MYOM3: variants seen among roughly 807,000 people sequenced by gnomAD.
MYOM3 encodes the protein myomesin 3, also known as myomesin-3.
MYOM3 carries 155 observed loss-of-function variants against 191.7 expected under a neutral mutation model. That is an observed-to-expected ratio of 0.81 (90% CI 0.71 to 0.92). MYOM3 has a LOEUF of 0.92. MYOM3 is among the 40% of genes least tolerant of loss of function. The pLI is 0.00. For missense variants in MYOM3, 1,889 were observed against 1,890.6 expected (o/e 1.00, Z 0.02); for synonymous variants, 757 against 762.9 (o/e 0.99, Z 0.13).
chr1:24,058,903 T>A (rs974166704), intron 36 of MYOM3, 21 bp downstream of exon 36: 2 of 1,589,524 alleles, frequency 1.3e-6, no homozygotes, highest in Non-Finnish European at 1.7e-6. Flanking sequence ...CTGCTGGCTG[T>A]GGGCTGGGAA....
intron 5 of MYOM3, among the ~76,000 whole-genome samples, chr1:24,103,336 A>G (rs1332639072): frequency 1.3e-5 from 2 of 152,222 alleles, no homozygotes. Context: ...TACTTGGCAT[A>G]GTTTTTGGAA....
intron 10 of MYOM3, 137 bp downstream of exon 10, chr1:24,092,810 C>T (rs1643856062): frequency 2.2e-6 from 2 of 917,298 alleles, no homozygotes; most frequent in South Asian, 4.1e-5. Flanking sequence ...AGACCCCAAC[C>T]CAAAGCCCTG....
intron 36 of MYOM3, among the ~76,000 whole-genome samples, chr1:24,058,653 A>G (rs1406712469): frequency 6.6e-6 from 1 of 152,198 alleles, no homozygotes; most frequent in Non-Finnish European, 1.5e-5. Context: ...CTCTCAGTAG[A>G]CATTTCTTTT....
chr1:24,094,983 C>G lies in MYOM3; in HGVS notation c.798G>C (p.Thr266=), dbSNP rs558297829. 6.2e-7 allele frequency: 1 copy of G among 1,613,250 alleles called. No homozygotes were observed. The highest frequency in any genetic ancestry group is 2.2e-5 in the East Asian group (1 of 44,880). ...GFDSEIFKRS[T]FGPSVEFTSV... is the part of the protein sequence containing the mutation. ...AGGTGAATTCCACGCTGGGGCCAAA[C>G]GTCGATCCTGGCGTGGGAATGAAAT... The change falls in exon 9 of 37, where the codon ACG becomes ACC. Residue 266 remains threonine (T), a synonymous_variant. Coordinates refer to ENST00000374434, the MANE Select transcript of MYOM3 (RefSeq NM_152372.4).
At chr1:24,059,689 T>C (rs940415818) in intron 35 of MYOM3, among the ~76,000 whole-genome samples, 1 of 152,198 alleles carries the variant, frequency 6.6e-6, no homozygotes, top group African/African-American at 2.4e-5. Context: ...TTTGCTTTTG[T>C]CTGAAAAAAC....
At chr1:24,078,548 G>T (rs1480091407) in intron 20 of MYOM3, among the ~76,000 whole-genome samples, 1 of 152,180 alleles carries the variant, frequency 6.6e-6, no homozygotes, top group Non-Finnish European at 1.5e-5. Context: ...TCCTCTGGGT[G>T]CTCCCTAATG....
Position 24,090,111 on chromosome 1 carries a change from G to C in MYOM3, c.1440C>G (p.Pro480=). ...TGGTGATCTTGTTTCCCAGATCAAA[G>C]GGGATCTCTAGGATGAGAAGGGAGC... ...HDAARRKTEI[P]FDLGNKITIS... The change falls in exon 13 of 37, where the codon CCC becomes CCG. Residue 480 remains proline (P), a synonymous_variant. Transcript: ENST00000374434. The C allele has an allele frequency of 6.2e-7, 1 of 1,614,014 alleles. No homozygotes were observed. Among genetic ancestry groups the C allele is most frequent in the Non-Finnish European group, 8.5e-7 (1 of 1,179,892 alleles).
At chr1:24,058,238 A>G (rs1643327502) in intron 36 of MYOM3, among the ~76,000 whole-genome samples, 1 of 152,312 alleles carries the variant, frequency 6.6e-6, no homozygotes, top group East Asian at 1.9e-4. Flanking sequence ...CTACGATTTT[A>G]CAATGCAAGT....
rs954171926 is a variant in MYOM3, at chr1:24,076,201, G to A, written c.2659C>T (p.Pro887Ser). Reference protein sequence around the residue: ...QAMNSAGLGQPSMPTDPVLLE... With the variant: ...QAMNSAGLGQSSMPTDPVLLE... Reference sequence around the variant, plus strand: ...AGCACGGGATCAGTGGGCATGGACGGTTGCCCCAGACCAGCTGAATTCATG... The same window carrying A: ...AGCACGGGATCAGTGGGCATGGACGATTGCCCCAGACCAGCTGAATTCATG... Residue 887 changes from proline (P) to serine (S), a missense_variant, in exon 21 of 37, where the codon CCG (proline) becomes TCG (serine). Pro to Ser is a moderately conservative substitution (Grantham distance 74). Coordinates refer to ENST00000374434, the MANE Select transcript of MYOM3 (RefSeq NM_152372.4). 2.5e-6 allele frequency: 4 copies of A among 1,614,196 alleles called. No homozygotes were observed. The highest frequency in any genetic ancestry group is 3.4e-6 in the Non-Finnish European group (4 of 1,180,024).
chr1:24,062,008 T>C lies in MYOM3; in HGVS notation c.3872A>G (p.Tyr1291Cys). ...LDPKDSDKGK[Y>C]TLEIAAGKEV... is the part of the protein sequence containing the mutation. The stretch of plus-strand genomic sequence containing the variant: ...CTTCCCTGCAGCTATTTCCAGAGTG[T>C]ATTTGCCCTTGTCTGAGTCTTTGGG... Residue 1291 changes from tyrosine (Y) to cysteine (C), a missense_variant, in exon 33 of 37, where the codon TAC (tyrosine) becomes TGC (cysteine). By Grantham distance (194) the Tyr-to-Cys change is radical. Transcript: ENST00000374434. 6.2e-7 allele frequency: 1 copy of C among 1,614,196 alleles called. No homozygotes were observed. Among genetic ancestry groups the C allele is most frequent in the Non-Finnish European group, 8.5e-7 (1 of 1,180,042 alleles).
chr1:24,058,884 A>G (rs1156666890), intron 36 of MYOM3, 40 bp downstream of exon 36: 1 of 1,499,874 alleles, frequency 6.7e-7, no homozygotes, highest in East Asian at 2.3e-5. Context: ...GAAGGAACAC[A>G]GAGGGGGACT....
At chr1:24,100,079 G>A (rs1380827729) in intron 5 of MYOM3, among the ~76,000 whole-genome samples, 1 of 152,058 alleles carries the variant, frequency 6.6e-6, no homozygotes, top group African/African-American at 2.4e-5. Flanking sequence ...ATGTTGGCTA[G>A]GCTGGTCTCG....
intron 36 of MYOM3, among the ~76,000 whole-genome samples, chr1:24,058,223 T>C (rs1643327154): frequency 2.0e-5 from 3 of 152,240 alleles, no homozygotes; most frequent in African/African-American, 7.2e-5. Context: ...GTAATATATA[T>C]GTCACTACGA....
intron 16 of MYOM3, 53 bp from the exon 17 acceptor site, chr1:24,082,767 C>A: frequency 6.6e-7 from 1 of 1,510,476 alleles, no homozygotes; most frequent in South Asian, 1.3e-5. Flanking sequence ...TGGAGACATT[C>A]CCAAACTTGC....
chr1:24,085,582 G>A (rs1391187556), intron 15 of MYOM3, among the ~76,000 whole-genome samples: 1 of 151,986 alleles, frequency 6.6e-6, no homozygotes, highest in South Asian at 2.1e-4. Flanking sequence ...ATTCCTAAGG[G>A]TCCTGCCTAT....
chr1:24,061,104 A>G, intron 34 of MYOM3, 22 bp from the exon 35 acceptor site: 1 of 1,614,148 alleles, frequency 6.2e-7, no homozygotes, highest in Non-Finnish European at 8.5e-7. Flanking sequence ...AAATGGGAAC[A>G]AGGTGTGACA....
At chr1:24,092,894 G>C in intron 10 of MYOM3, 53 bp downstream of exon 10, 1 of 1,430,808 alleles carries the variant, frequency 7.0e-7, no homozygotes, top group Non-Finnish European at 9.2e-7. Flanking sequence ...ACAAGGGGCA[G>C]AGCCCTGGTC....
At position 24,074,014 on chromosome 1, in the gene MYOM3, A is replaced by G. The variant is rs1327435932; in HGVS notation, c.2968+146T>C. 16 of 620,808 alleles carry G rather than the reference A, an allele frequency of 2.6e-5. No individual in the cohort carries two copies. The South Asian group carries it at 2.8e-4, about 11-fold the overall frequency. The allele number at this position is 620,808 out of a possible 1,614,324, so 38.5% of individuals were successfully genotyped here. A position where few individuals can be genotyped will look rare whatever the true frequency, so the allele number is the denominator to read the frequency against. On this transcript the variant is annotated intron_variant, in intron 23 of 36. Transcript: ENST00000374434. ...GCAGGTGCTCAACAGATATCTATTG[A>G]TGGAAAGAATGGGTGGGTGAGGGCC...
rs139699025 is a variant in MYOM3, at chr1:24,101,741, G to A, written c.561-1966C>T. Among the ~76,000 whole-genome samples, 378 of 152,306 alleles carry A rather than the reference G, an allele frequency of 2.5e-3. 4 individuals are homozygous for A. The highest frequency in any genetic ancestry group is 8.8e-3 in the African/African-American group (365 of 41,554). On this transcript the variant is annotated intron_variant, in intron 5 of 36. Coordinates refer to ENST00000374434, the MANE Select transcript of MYOM3 (RefSeq NM_152372.4). ...CACTACAGCCTGGGTGATAGAGCAAGACCCTGTCTCAAAAAAAAAATTTGT... is the reference window on the plus strand; with the variant it reads ...CACTACAGCCTGGGTGATAGAGCAAAACCCTGTCTCAAAAAAAAAATTTGT...
Sources: gnomAD v4.1 joint callset for allele counts (sites outside exome capture counted in the v4.1 genomes callset) on GRCh38, gnomAD v4.1.1 for gene constraint, MANE v1.5 for transcripts, NCBI Gene and HGNC (gene_info 2026-07-23, HGNC 2026-07-21) for gene names.